CCDC148: variants seen among roughly 807,000 people sequenced by gnomAD.
CCDC148 encodes coiled-coil domain containing 148, also known as coiled-coil domain-containing protein 148.
In CCDC148, 89 loss-of-function variants were observed where a neutral mutation model predicts 85.7. The ratio of observed to expected loss-of-function variants is 1.04; its 90% CI spans 0.87 to 1.24. CCDC148 has a LOEUF of 1.24. Among genes scored for constraint, CCDC148 ranks in the 50% most tolerant of loss-of-function variants. The pLI is 0.00. For missense variants in CCDC148, 692 were observed against 671.7 expected (o/e 1.03, Z -0.33); for synonymous variants, 230 against 213.9 (o/e 1.08, Z -0.66).
At chr2:158,404,374 T>C (rs182430290) in intron 1 of CCDC148, among the ~76,000 whole-genome samples, 1 of 152,162 alleles carries the variant, frequency 6.6e-6, no homozygotes, top group East Asian at 1.9e-4. Flanking sequence ...TAAATGAGGA[T>C]GCCTAGACAC....
At position 158,220,658 on chromosome 2, in the gene CCDC148, T is replaced by C. The variant is rs377017642; in HGVS notation, c.1307A>G (p.Asp436Gly). The change falls in exon 11 of 14, where the codon GAT becomes GGT. Residue 436 changes from aspartate (D) to glycine (G), a missense_variant. By Grantham distance (94) the Asp-to-Gly change is moderately conservative. Transcript: ENST00000283233. Reference sequence around the variant, plus strand: ...CTTCAGTTCTTCTAGACGCTGAAGATCTCTCATTTCCATTTCTTGCCACTT... The same window carrying C: ...CTTCAGTTCTTCTAGACGCTGAAGACCTCTCATTTCCATTTCTTGCCACTT... ...KQKWQEMEMR[D>G]LQRLEELKKL... 8.4e-5 allele frequency: 134 copies of C among 1,598,094 alleles called. No individual in the cohort carries two copies. The highest frequency in any genetic ancestry group is 1.1e-4 in the Non-Finnish European group (124 of 1,176,534).
chr2:158,300,112 A>G (rs1011747586), intron 9 of CCDC148, among the ~76,000 whole-genome samples: 6 of 152,196 alleles, frequency 3.9e-5, no homozygotes, highest in African/African-American at 1.4e-4. Flanking sequence ...AGAATATTCA[A>G]TGTTGACAAT....
chr2:158,377,910 T>C (rs1406097159), intron 1 of CCDC148, among the ~76,000 whole-genome samples: 5 of 152,094 alleles, frequency 3.3e-5, no homozygotes, highest in Non-Finnish European at 7.4e-5. Flanking sequence ...TGTCTTTCCC[T>C]CTCCTGGGCT....
chr2:158,315,922 C>A (rs906936497), intron 7 of CCDC148, among the ~76,000 whole-genome samples: 1 of 152,206 alleles, frequency 6.6e-6, no homozygotes, highest in Non-Finnish European at 1.5e-5. Context: ...CCCATGGGAG[C>A]AAACCATGGC....
chr2:158,223,004 C>T (rs965557938), intron 10 of CCDC148, among the ~76,000 whole-genome samples: 10 of 152,058 alleles, frequency 6.6e-5, no homozygotes, highest in African/African-American at 9.7e-5. Flanking sequence ...GAGCATGAGC[C>T]GAAGCAGCGT....
chr2:158,396,490 T>C lies in CCDC148; in HGVS notation c.26-37920A>G, dbSNP rs370123015. 9.5e-4 allele frequency among the ~76,000 whole-genome samples: 145 copies of C among 152,234 alleles called. 1 individual carries two copies. Among genetic ancestry groups the C allele is most frequent in the African/African-American group, 3.4e-3 (142 of 41,578 alleles). On this transcript the variant is annotated intron_variant, in intron 1 of 13. Coordinates refer to ENST00000283233, the MANE Select transcript of CCDC148 (RefSeq NM_138803.4). The stretch of plus-strand genomic sequence containing the variant: ...ACTTTCACTTCTGAACTGGCTCCTA[T>C]AGGCATTTGAGTCAGTGGCCTCTGC...
chr2:158,396,377 T>C (rs997081175), intron 1 of CCDC148, among the ~76,000 whole-genome samples: 7 of 152,080 alleles, frequency 4.6e-5, no homozygotes, highest in African/African-American at 1.4e-4. Flanking sequence ...CCATGCCTCA[T>C]AGCACCCCAA....
At chr2:158,172,383 T>G (rs564077367) in intron 13 of CCDC148, 124 bp from the exon 14 acceptor site, 1 of 697,746 alleles carries the variant, frequency 1.4e-6, no homozygotes, top group South Asian at 1.8e-5. Context: ...GACAGTAAAC[T>G]GTGAATACAG....
At chr2:158,408,906 T>G (rs904437023) in intron 1 of CCDC148, among the ~76,000 whole-genome samples, 3 of 152,146 alleles carry the variant, frequency 2.0e-5, no homozygotes, top group East Asian at 1.9e-4. Flanking sequence ...AGTTTGGATT[T>G]GCATTTTCCA....
At chr2:158,188,877 C>A (rs1159575585) in intron 11 of CCDC148, among the ~76,000 whole-genome samples, 1 of 151,816 alleles carries the variant, frequency 6.6e-6, no homozygotes, top group Non-Finnish European at 1.5e-5. Flanking sequence ...CTATAAGGAA[C>A]TTAAGTCAAC....
At chr2:158,365,880 G>A (rs1296888422) in intron 1 of CCDC148, 5 of 614,996 alleles carry the variant, frequency 8.1e-6, no homozygotes, top group Middle Eastern at 4.1e-4. Context: ...AGAACTGGCC[G>A]GTCATTCAAT....
chr2:158,328,257 T>C (rs1050010384), intron 7 of CCDC148, among the ~76,000 whole-genome samples: 1 of 152,138 alleles, frequency 6.6e-6, no homozygotes, highest in African/African-American at 2.4e-5. Flanking sequence ...ACTGAGAACA[T>C]GCTGTGTTTG....
At chr2:158,294,632 G>A (rs557578527) in intron 9 of CCDC148, among the ~76,000 whole-genome samples, 2 of 152,026 alleles carry the variant, frequency 1.3e-5, no homozygotes, top group East Asian at 1.9e-4. Context: ...TAGACCAACC[G>A]GGGCAACATG....
intron 7 of CCDC148, among the ~76,000 whole-genome samples, chr2:158,318,887 A>G (rs2105218982): frequency 6.6e-6 from 1 of 151,914 alleles, no homozygotes; most frequent in East Asian, 1.9e-4. Flanking sequence ...CTTCTGCCTT[A>G]GCCTCCCACA....
chr2:158,456,669 C>A lies in CCDC148; in HGVS notation c.-230G>T, dbSNP rs779627200. On this transcript the variant is annotated 5_prime_UTR_variant, in exon 1 of 14. Transcript: ENST00000283233. Reference sequence around the variant, plus strand: ...AATCTCCCTGTCCTCTCCGCCACCCCCTCCCGCGCCCGAGACCTGAGACAC... The same window carrying A: ...AATCTCCCTGTCCTCTCCGCCACCCACTCCCGCGCCCGAGACCTGAGACAC... 15 of 585,028 alleles carry A rather than the reference C, an allele frequency of 2.6e-5. No homozygotes were observed. The highest frequency in any genetic ancestry group is 2.1e-4 in the South Asian group (10 of 47,742). 36.2% of individuals were successfully genotyped at this position (585,028 alleles called of 1,614,324 possible).
rs185094802 is a variant in CCDC148 at position 158,455,351 on chromosome 2, C to T, written c.25+1064G>A. 1.6e-3 allele frequency among the ~76,000 whole-genome samples: 247 copies of T among 151,924 alleles called. 2 individuals are homozygous for T. Among genetic ancestry groups the T allele is most frequent in the African/African-American group, 5.5e-3 (230 of 41,464 alleles). ...TTCCACAGTCCTACCCTGTGTAGGA[C>T]TGTCAACTGAGTTCACATTTTACTA... is the stretch of plus-strand genomic sequence containing the variant. On this transcript the variant is annotated intron_variant, in intron 1 of 13. Coordinates refer to ENST00000283233, the MANE Select transcript of CCDC148 (RefSeq NM_138803.4).
At chr2:158,363,590 A>G (rs1387109849) in intron 1 of CCDC148, among the ~76,000 whole-genome samples, 1 of 152,222 alleles carries the variant, frequency 6.6e-6, no homozygotes, top group Non-Finnish European at 1.5e-5. Flanking sequence ...TAGATGCAGA[A>G]AAGGCCTTTG....
At chr2:158,327,542 T>C (rs1216572767) in intron 7 of CCDC148, among the ~76,000 whole-genome samples, 3 of 152,140 alleles carry the variant, frequency 2.0e-5, no homozygotes, top group African/African-American at 7.2e-5. Flanking sequence ...CATCCAAGGA[T>C]TTTGGATTGT....
chr2:158,215,364 T>G (rs951550289), intron 11 of CCDC148, among the ~76,000 whole-genome samples: 2 of 152,136 alleles, frequency 1.3e-5, no homozygotes, highest in South Asian at 4.2e-4. Context: ...ATTTTGAAGT[T>G]TGTGCTCTAC....
Sources: gnomAD v4.1 joint callset for allele counts (sites outside exome capture counted in the v4.1 genomes callset) on GRCh38, gnomAD v4.1.1 for gene constraint, MANE v1.5 for transcripts, NCBI Gene and HGNC (gene_info 2026-07-23, HGNC 2026-07-21) for gene names.